ASCC3: variants seen among roughly 807,000 people sequenced by gnomAD.
ASCC3 encodes activating signal cointegrator 1 complex subunit 3.
A neutral mutation model predicts 256.3 loss-of-function variants in ASCC3; 158 were observed. The ratio of observed to expected loss-of-function variants is 0.62; its 90% CI spans 0.54 to 0.70. The LOEUF is 0.70. Ranked by LOEUF, ASCC3 falls within the 30% of genes least tolerant of loss-of-function variation. The probability of loss-of-function intolerance (pLI) is 0.00; values close to 1 mark genes in which losing one functional copy is unlikely to be tolerated. For missense variants in ASCC3, 2,259 were observed against 2,626.0 expected, an observed-to-expected ratio of 0.86 and a Z score of 3.05; for synonymous variants, 948 against 883.4, an observed-to-expected ratio of 1.07 and a Z score of -1.30.
chr6:100,858,378 G>T, intron 3 of ASCC3: 1 of 254,002 alleles, frequency 3.9e-6, no homozygotes, highest in Non-Finnish European at 6.2e-6. Flanking sequence ...AGTGGTAACA[G>T]GCATTTGTGT....
intron 34 of ASCC3, among the ~76,000 whole-genome samples, chr6:100,595,307 C>G (rs1384913421): frequency 6.6e-6 from 1 of 151,380 alleles, no homozygotes; most frequent in Admixed American, 6.6e-5. Flanking sequence ...ACATTGTACA[C>G]CATAATATAA....
intron 3 of ASCC3, among the ~76,000 whole-genome samples, chr6:100,851,442 T>C (rs1232798807): frequency 6.6e-6 from 1 of 152,230 alleles, no homozygotes; most frequent in African/African-American, 2.4e-5. Flanking sequence ...AGCAGATTTA[T>C]ATATCTTGCC....
At chr6:100,858,400 C>T (rs575250685) in intron 3 of ASCC3, 1 of 277,366 alleles carries the variant, frequency 3.6e-6, no homozygotes, top group Non-Finnish European at 5.5e-6. Context: ...TAATTCCGTA[C>T]CTCAGGGAAG....
chr6:100,772,287 C>T (rs1251717034), intron 8 of ASCC3, among the ~76,000 whole-genome samples: 1 of 152,074 alleles, frequency 6.6e-6, no homozygotes, highest in Non-Finnish European at 1.5e-5. Context: ...CAACATACAC[C>T]TAACATACCC....
intron 11 of ASCC3, among the ~76,000 whole-genome samples, chr6:100,724,867 C>A (rs1234699604): frequency 6.6e-6 from 1 of 151,930 alleles, no homozygotes; most frequent in Admixed American, 6.6e-5. Context: ...ACAGGGTAAT[C>A]CCAAGGATCC....
At chr6:100,875,595 C>T (rs1773961295) in intron 1 of ASCC3, among the ~76,000 whole-genome samples, 1 of 152,072 alleles carries the variant, frequency 6.6e-6, no homozygotes, top group African/African-American at 2.4e-5. Context: ...TGCATGAATG[C>T]CCATTCATGC....
chr6:100,615,860 T>C (rs1247061783), intron 30 of ASCC3, among the ~76,000 whole-genome samples: 2 of 152,208 alleles, frequency 1.3e-5, no homozygotes, highest in African/African-American at 2.4e-5. Flanking sequence ...TGACACTCAA[T>C]ATTCTCAGCT....
intron 32 of ASCC3, among the ~76,000 whole-genome samples, chr6:100,606,203 T>C (rs1416488541): frequency 1.3e-5 from 2 of 152,122 alleles, no homozygotes; most frequent in African/African-American, 4.8e-5. Flanking sequence ...TTAGAAATGA[T>C]ACAGCTTTTA....
intron 1 of ASCC3, among the ~76,000 whole-genome samples, chr6:100,871,205 C>A (rs1773724772): frequency 6.6e-6 from 1 of 151,988 alleles, no homozygotes; most frequent in South Asian, 2.1e-4. Flanking sequence ...AAGCAATTCT[C>A]CTGCCTCAGC....
At position 100,695,718 on chromosome 6, in the gene ASCC3, C is replaced by T. The variant is rs969945016; in HGVS notation, c.2152-15966G>A. ...GCCAATTGGTCTACTTTTTTTCTCT[C>T]CTCTCTTTCTCTCTCCAGAGGAGAG... On this transcript the variant is annotated intron_variant, in intron 13 of 41. Coordinates refer to ENST00000369162, the MANE Select transcript of ASCC3 (RefSeq NM_006828.4). Among the ~76,000 whole-genome samples, 7 of 152,164 alleles carry T rather than the reference C, an allele frequency of 4.6e-5. No individual in the cohort carries two copies. In the East Asian group the frequency reaches 1.4e-3, roughly 30 times the overall value.
Position 100,629,072 on chromosome 6 carries a change from T to C in ASCC3, c.4318A>G (p.Asn1440Asp), listed in dbSNP as rs1376460493. 1 of 1,613,702 alleles carries C rather than the reference T, an allele frequency of 6.2e-7. No individual in the cohort carries two copies. Among genetic ancestry groups the C allele is most frequent in the African/African-American group, 1.3e-5 (1 of 74,894 alleles). Residue 1440 changes from asparagine (N) to aspartate (D), a missense_variant, in exon 27 of 42, where the codon AAT becomes GAT. Transcript: ENST00000369162. ...KWDGVSRSWQ[N>D]RNYVQQVTIL... ...GTGACTTGCTGAACATAGTTCCTAT[T>C]TTGCCAGCTTCTGCTGACTCCATCC...
At chr6:100,509,674 G>A (rs1411506450) in intron 41 of ASCC3, 141 bp from the exon 42 acceptor site, 1 of 894,098 alleles carries the variant, frequency 1.1e-6, no homozygotes, top group Non-Finnish European at 1.7e-6. Flanking sequence ...GCCGAGGCGG[G>A]CGGATCACGA....
intron 37 of ASCC3, among the ~76,000 whole-genome samples, chr6:100,534,522 A>G (rs1775069843): frequency 1.3e-5 from 2 of 152,236 alleles, no homozygotes; most frequent in African/African-American, 4.8e-5. Flanking sequence ...ATGATCAAGA[A>G]GAGGATTTCA....
intron 4 of ASCC3, among the ~76,000 whole-genome samples, chr6:100,834,098 A>G (rs1001349218): frequency 6.6e-6 from 1 of 152,198 alleles, no homozygotes; most frequent in African/African-American, 2.4e-5. Flanking sequence ...AATGTCTTAT[A>G]TATAAAAGAT....
chr6:100,551,170 C>A (rs1182157703), intron 36 of ASCC3, among the ~76,000 whole-genome samples: 1 of 151,934 alleles, frequency 6.6e-6, no homozygotes, highest in Non-Finnish European at 1.5e-5. Context: ...CAAGGTCTTA[C>A]TGGGCTGGGT....
intron 41 of ASCC3, 139 bp downstream of exon 41, chr6:100,509,793 C>T (rs1352318550): frequency 2.3e-6 from 2 of 868,014 alleles, no homozygotes; most frequent in African/African-American, 1.7e-5. Flanking sequence ...GAGGCTGAGG[C>T]AGGAGAATGG....
At position 100,515,415 on chromosome 6, in the gene ASCC3, T is replaced by C. The variant is rs114914717; in HGVS notation, c.6075+765A>G. On this transcript the variant is annotated intron_variant, in intron 39 of 41. Transcript: ENST00000369162. ...AAAAAAAAAGACACGGTTTAGAAGT[T>C]TCTTAATACCTGCATTTGCAAGTCA... Among the ~76,000 whole-genome samples, 789 of 152,304 alleles carry C rather than the reference T, an allele frequency of 5.2e-3. 8 individuals carry two copies. Among genetic ancestry groups the C allele is most frequent in the African/African-American group, 0.018 (758 of 41,572 alleles).
chr6:100,606,811 T>A lies in ASCC3; in HGVS notation c.4973A>T (p.His1658Leu). The A allele has an allele frequency of 1.2e-6, 2 of 1,612,200 alleles. No homozygotes were observed. The highest frequency in any genetic ancestry group is 1.7e-6 in the Non-Finnish European group (2 of 1,179,126). ...TTCTGTTCCCTTAATAATTACTAAA[T>A]GAGCTGGAAAGTTTACACCCCAGGC... ...TLAWGVNFPA[H>L]LVIIKGTEYY... Residue 1658 changes from histidine to leucine, a missense_variant, in exon 32 of 42, where the codon CAT becomes CTT. Transcript: ENST00000369162.
chr6:100,712,918 C>T (rs768843766), intron 13 of ASCC3, among the ~76,000 whole-genome samples: 7 of 151,762 alleles, frequency 4.6e-5, no homozygotes, highest in African/African-American at 7.3e-5. Context: ...CCACCACGCC[C>T]GGCTAACTTT....
Sources: allele counts gnomAD v4.1 joint callset (sites outside exome capture counted in the v4.1 genomes callset), GRCh38; gene constraint gnomAD v4.1.1; transcripts MANE v1.5; gene names NCBI Gene and HGNC (gene_info 2026-07-23, HGNC 2026-07-21).